The following DOCK5 variants were observed in gnomAD, a reference collection of about 807,000 sequenced individuals.
The protein encoded by DOCK5 is dedicator of cytokinesis 5, also known as dedicator of cytokinesis protein 5.
DOCK5 carries 142 observed loss-of-function variants against 251.8 expected under a neutral mutation model. That is an observed-to-expected ratio of 0.56 (90% confidence interval 0.49 to 0.65). The LOEUF is 0.65. DOCK5 is among the 30% of genes least tolerant of loss of function. DOCK5 has a pLI of 0.00. For synonymous variants in DOCK5, 842 were observed against 835.5 expected, an observed-to-expected ratio of 1.01 and a Z score of -0.13; for missense variants, 2,111 against 2,312.3, an observed-to-expected ratio of 0.91 and a Z score of 1.79.
intron 1 of DOCK5, among the ~76,000 whole-genome samples, chr8:25,217,510 A>G (rs1187895080): frequency 6.6e-6 from 1 of 152,134 alleles, no homozygotes; most frequent in South Asian, 2.1e-4. Context: ...TTTCTGTGCC[A>G]GCTGATACCA....
At chr8:25,209,022 A>G (rs1232436571) in intron 1 of DOCK5, among the ~76,000 whole-genome samples, 1 of 152,202 alleles carries the variant, frequency 6.6e-6, no homozygotes, top group South Asian at 2.1e-4. Context: ...ATTTACCATT[A>G]CAGAAAATCA....
intron 33 of DOCK5, among the ~76,000 whole-genome samples, chr8:25,369,239 T>G (rs1385138155): frequency 6.6e-6 from 1 of 152,224 alleles, no homozygotes; most frequent in Admixed American, 6.5e-5. Flanking sequence ...TGCAGAGACT[T>G]AGACATGAAA....
chr8:25,245,348 G>C (rs578149442), intron 2 of DOCK5, among the ~76,000 whole-genome samples: 1 of 152,092 alleles, frequency 6.6e-6, no homozygotes, highest in African/African-American at 2.4e-5. Context: ...GAGTCACTGC[G>C]CCCGGCCTAC....
chr8:25,325,409 C>T lies in DOCK5; in HGVS notation c.1765C>T (p.Pro589Ser), dbSNP rs769408831. Residue 589 changes from proline to serine, a missense_variant, in exon 18 of 52, where the codon CCT (proline) becomes TCT (serine). Transcript: ENST00000276440. ...MEDAKFYLTLPGTKMEMEEKE... is the reference protein window; with the variant it reads ...MEDAKFYLTLSGTKMEMEEKE... Reference sequence around the variant, plus strand: ...AGATGCTAAATTCTACCTGACCCTGCCTGGAACCAAGATGGAGATGGAAGA... The same window carrying T: ...AGATGCTAAATTCTACCTGACCCTGTCTGGAACCAAGATGGAGATGGAAGA... 3 of 1,613,900 alleles carry T rather than the reference C, an allele frequency of 1.9e-6. No homozygotes were observed. Among genetic ancestry groups the T allele is most frequent in the South Asian group, 1.1e-5 (1 of 91,084 alleles).
intron 11 of DOCK5, among the ~76,000 whole-genome samples, chr8:25,306,942 G>T (rs1301399525): frequency 6.6e-6 from 1 of 152,088 alleles, no homozygotes; most frequent in Non-Finnish European, 1.5e-5. Flanking sequence ...ATAGCCTATT[G>T]CTCCTAGACT....
At chr8:25,279,669 G>A (rs2117131422) in intron 5 of DOCK5, among the ~76,000 whole-genome samples, 1 of 152,018 alleles carries the variant, frequency 6.6e-6, no homozygotes, top group East Asian at 1.9e-4. Context: ...TCAGGCTGGA[G>A]TGCAGTGACA....
chr8:25,225,455 C>G (rs1802504165), intron 1 of DOCK5, among the ~76,000 whole-genome samples: 1 of 152,128 alleles, frequency 6.6e-6, no homozygotes, highest in South Asian at 2.1e-4. Flanking sequence ...GCCTGTAATC[C>G]CAGCACTTCG....
intron 18 of DOCK5, among the ~76,000 whole-genome samples, chr8:25,331,308 A>G (rs1021759449): frequency 6.6e-6 from 1 of 150,948 alleles, no homozygotes; most frequent in Non-Finnish European, 1.5e-5. Context: ...GGGTCTCTCT[A>G]TGTTGCCCAG....
chr8:25,367,218 T>C (rs1405774463), intron 31 of DOCK5, among the ~76,000 whole-genome samples: 1 of 152,182 alleles, frequency 6.6e-6, no homozygotes, highest in East Asian at 1.9e-4. Context: ...AGACGGACCT[T>C]GGCTGTCAGC....
Position 25,390,285 on chromosome 8 carries a change from A to G in DOCK5, c.4353A>G (p.Leu1451=). The change falls in exon 42 of 52, where the codon TTA becomes TTG. Residue 1451 remains leucine (L), a splice_region_variant and synonymous_variant. Coordinates refer to ENST00000276440, the MANE Select transcript of DOCK5 (RefSeq NM_024940.8). ...YKDKPVPEQI[L]NYYRANEVQQ... ...ATAAACCTGTTCCAGAGCAGATCTT[A>G]AAGTAAGTGGTTTTTCATTTAAAAA... 1 of 1,567,520 alleles carries G rather than the reference A, an allele frequency of 6.4e-7. No individual in the cohort carries two copies. The highest frequency in any genetic ancestry group is 8.6e-7 in the Non-Finnish European group (1 of 1,157,682).
intron 1 of DOCK5, among the ~76,000 whole-genome samples, chr8:25,234,609 A>G (rs139490279): frequency 6.6e-6 from 1 of 152,338 alleles, no homozygotes; most frequent in East Asian, 1.9e-4. Flanking sequence ...TACCTTTGAT[A>G]TTATATACAG....
intron 32 of DOCK5, 91 bp downstream of exon 32, chr8:25,368,341 C>A: frequency 2.4e-6 from 3 of 1,266,634 alleles, no homozygotes; most frequent in Non-Finnish European, 2.2e-6. Context: ...ATCCAGATAA[C>A]CCTGAGATGT....
chr8:25,249,248 A>C (rs1803203421), intron 2 of DOCK5, among the ~76,000 whole-genome samples: 1 of 151,888 alleles, frequency 6.6e-6, no homozygotes, highest in African/African-American at 2.4e-5. Flanking sequence ...CGATCCTTCC[A>C]CCTCGGCCTC....
chr8:25,281,151 G>T (rs1415541014), intron 5 of DOCK5, among the ~76,000 whole-genome samples: 1 of 152,106 alleles, frequency 6.6e-6, no homozygotes, highest in East Asian at 1.9e-4. Flanking sequence ...TGGGGGCCAG[G>T]TGCAGTGGCT....
In DOCK5 at chr8:25,366,835, C is replaced by T. The variant is rs371786531; in HGVS notation, c.3124-35C>T. The T allele has an allele frequency of 1.4e-5, 21 of 1,547,358 alleles. No individual in the cohort carries two copies. In the African/African-American group the frequency reaches 2.6e-4, roughly 19 times the overall value. ...TATGGCCCTTATTAATGTTATTTTTCATTTCCCTTTACCCACACAATTAAT... is the reference window on the plus strand; with the variant it reads ...TATGGCCCTTATTAATGTTATTTTTTATTTCCCTTTACCCACACAATTAAT... On this transcript the variant is annotated intron_variant, in intron 30 of 51. Coordinates refer to ENST00000276440, the MANE Select transcript of DOCK5 (RefSeq NM_024940.8).
At chr8:25,192,903 C>G (rs977737381) in intron 1 of DOCK5, among the ~76,000 whole-genome samples, 16 of 152,230 alleles carry the variant, frequency 1.1e-4, no homozygotes, top group Admixed American at 6.5e-4. Context: ...CCTTATCTTT[C>G]TACCACTACT....
intron 40 of DOCK5, among the ~76,000 whole-genome samples, chr8:25,385,386 C>T (rs541394060): frequency 1.1e-3 from 169 of 152,010 alleles, no homozygotes; most frequent in Non-Finnish European, 1.9e-3. Context: ...TACAGAGAAG[C>T]GGAAATACTA....
At chr8:25,409,832 C>T (rs1457402711) in intron 50 of DOCK5, 8 of 266,752 alleles carry the variant, frequency 3.0e-5, no homozygotes, top group Non-Finnish European at 4.4e-5. Flanking sequence ...GGCAACAGAG[C>T]GAGACTCCAT....
At chr8:25,351,946 G>T in intron 27 of DOCK5, 120 bp downstream of exon 27, 1 of 697,528 alleles carries the variant, frequency 1.4e-6, no homozygotes, top group South Asian at 1.7e-5. Context: ...TCACATCATG[G>T]GTCATTGGTT....
Sources: allele counts gnomAD v4.1 joint callset (sites outside exome capture counted in the v4.1 genomes callset), GRCh38; gene constraint gnomAD v4.1.1; transcripts MANE v1.5; gene names NCBI Gene and HGNC (gene_info 2026-07-23, HGNC 2026-07-21).